Variants in MOSPD1 observed in about 807,000 individuals in gnomAD.
MOSPD1 encodes motile sperm domain-containing protein 1.
In MOSPD1, 5 loss-of-function variants were observed where a neutral mutation model predicts 16.7. The observed-to-expected ratio is 0.30, with a 90% confidence interval of 0.16 to 0.63. MOSPD1 has a LOEUF of 0.63. Ranked by LOEUF, MOSPD1 falls within the 30% of genes least tolerant of loss-of-function variation. The pLI, the probability that MOSPD1 is intolerant of heterozygous loss-of-function variation, is 0.82. For missense variants in MOSPD1, 104 were observed against 153.6 expected (o/e 0.68, Z 1.71); for synonymous variants, 67 against 59.2 (o/e 1.13, Z -0.61).
chrX:134,889,186 A>G lies in MOSPD1; in HGVS notation c.617T>C (p.Ile206Thr), dbSNP rs2082849382. Reference sequence around the variant, plus strand: ...TCATGTTCTAAGTATGGCCATTGTGATAAGACCTGAAAGAAGAAAAATGGA... The same window carrying G: ...TCATGTTCTAAGTATGGCCATTGTGGTAAGACCTGAAAGAAGAAAAATGGA... ...KLVAAYILGL[I>T]TMAILRT is the part of the protein sequence containing the mutation. The change falls in exon 6 of 6, where the codon ATC becomes ACC. Residue 206 changes from isoleucine (I) to threonine (T), a missense_variant. Ile to Thr is a moderately conservative substitution (Grantham distance 89). Transcript: ENST00000370783. 3.4e-6 allele frequency: 4 copies of G among 1,190,920 alleles called. No homozygotes were observed. The highest frequency in any genetic ancestry group is 4.5e-6 in the Non-Finnish European group (4 of 883,504).
chrX:134,909,795 G>A (rs180682793), intron 1 of MOSPD1, among the ~76,000 whole-genome samples: 1 of 111,017 alleles, frequency 9.0e-6, no homozygotes, highest in African/African-American at 3.3e-5. Flanking sequence ...TAGATTTTTG[G>A]TATGCTTTGC....
chrX:134,897,546 T>TAAAAAAAAAAA (rs1221758366), intron 3 of MOSPD1, among the ~76,000 whole-genome samples: 1 of 57,918 alleles, frequency 1.7e-5, no homozygotes, highest in Non-Finnish European at 3.2e-5. Context: ...TCTGTCTTAT[T>TAAAAAAAAAAA]AAAAAAAAAA....
At position 134,899,494 on chromosome X, in the gene MOSPD1, T is replaced by C; in HGVS notation, c.-61A>G. 1 of 1,040,319 alleles carries C rather than the reference T, an allele frequency of 9.6e-7. No homozygotes were observed. Among genetic ancestry groups the C allele is most frequent in the Admixed American group, 3.5e-5 (1 of 28,360 alleles). 85.7% of individuals were successfully genotyped at this position (1,040,319 alleles called of 1,213,427 possible). ...TACAGTCTCAAATCTATTTTGGACTTTTCTTAGATTCAGTTAAAAACTCCA... is the reference window on the plus strand; with the variant it reads ...TACAGTCTCAAATCTATTTTGGACTCTTCTTAGATTCAGTTAAAAACTCCA... On this transcript the variant is annotated 5_prime_UTR_variant, in exon 2 of 6. Transcript: ENST00000370783.
intron 1 of MOSPD1, among the ~76,000 whole-genome samples, chrX:134,904,404 C>A (rs764621954): frequency 4.5e-5 from 5 of 112,125 alleles, no homozygotes; most frequent in Non-Finnish European, 7.5e-5. Flanking sequence ...AGAGATCGTA[C>A]GTCTAGGGAT....
At chrX:134,904,161 G>C (rs1484188820) in intron 1 of MOSPD1, among the ~76,000 whole-genome samples, 1 of 112,236 alleles carries the variant, frequency 8.9e-6, no homozygotes, top group African/African-American at 3.2e-5. Flanking sequence ...CATAGAAAAG[G>C]GACATAGAAA....
rs2082843929 is a variant in MOSPD1, at chrX:134,888,301, A to G, written c.*860T>C. 1 of 112,323 alleles carries G rather than the reference A, an allele frequency of 8.9e-6. No individual in the cohort carries two copies. Among genetic ancestry groups the G allele is most frequent in the East Asian group, 2.8e-4 (1 of 3,583 alleles). The allele number at this position is 112,323 out of a possible 1,213,427, so 9.3% of individuals were successfully genotyped here. ...TTGGCTTAGAGTTTAAAGGTGAAAA[A>G]TCATCTCCACATAAATCACCTGGTA... On this transcript the variant is annotated 3_prime_UTR_variant, in exon 6 of 6. Coordinates refer to ENST00000370783, the MANE Select transcript of MOSPD1 (RefSeq NM_019556.3).
intron 3 of MOSPD1, among the ~76,000 whole-genome samples, chrX:134,898,325 G>A (rs1053751942): frequency 8.9e-6 from 1 of 112,403 alleles, no homozygotes; most frequent in Non-Finnish European, 1.9e-5. Context: ...ACTGTGTACT[G>A]AATGAAAATT....
At chrX:134,914,097 T>C in intron 1 of MOSPD1, among the ~76,000 whole-genome samples, 1 of 112,260 alleles carries the variant, frequency 8.9e-6, no homozygotes, top group Non-Finnish European at 1.9e-5. Flanking sequence ...GACTTTCTCC[T>C]TTCTGTCTGG....
chrX:134,896,707 T>C, intron 4 of MOSPD1, 110 bp downstream of exon 4: 2 of 567,205 alleles, frequency 3.5e-6, no homozygotes, highest in Non-Finnish European at 5.7e-6. Flanking sequence ...TAGTTGACCA[T>C]GTTTGAAGTG....
intron 1 of MOSPD1, among the ~76,000 whole-genome samples, chrX:134,913,037 G>A (rs775907988): frequency 5.4e-5 from 6 of 110,675 alleles, no homozygotes; most frequent in Non-Finnish European, 5.7e-5. Context: ...TCAGGAGTTC[G>A]AGACCAGCCT....
chrX:134,907,846 G>A (rs1480840984), intron 1 of MOSPD1, among the ~76,000 whole-genome samples: 1 of 112,969 alleles, frequency 8.9e-6, no homozygotes, highest in Non-Finnish European at 1.9e-5. Flanking sequence ...TCAGCTCACT[G>A]CAGCCTCAAA....
At chrX:134,894,881 T>A (rs1161427123) in intron 4 of MOSPD1, among the ~76,000 whole-genome samples, 1 of 111,801 alleles carries the variant, frequency 8.9e-6, no homozygotes, top group Non-Finnish European at 1.9e-5. Context: ...GGATATAAAA[T>A]TACTAGGAAA....
At chrX:134,891,777 C>G in intron 4 of MOSPD1, 137 bp from the exon 5 acceptor site, 1 of 620,127 alleles carries the variant, frequency 1.6e-6, no homozygotes. Context: ...TTTTTTCCAT[C>G]TGAGAGTTAA....
chrX:134,890,175 C>T (rs773929434), intron 5 of MOSPD1, among the ~76,000 whole-genome samples: 38 of 109,666 alleles, frequency 3.5e-4, no homozygotes, highest in Non-Finnish European at 4.9e-4. Flanking sequence ...GCCTGGAGAA[C>T]CGGGCCGCTA....
chrX:134,895,082 T>C (rs1265108247), intron 4 of MOSPD1, among the ~76,000 whole-genome samples: 2 of 111,614 alleles, frequency 1.8e-5, no homozygotes, highest in Non-Finnish European at 3.8e-5. Flanking sequence ...TAAGGCCAGG[T>C]GCGGGAGCTC....
chrX:134,901,052 G>A (rs993337062), intron 1 of MOSPD1, among the ~76,000 whole-genome samples: 40 of 111,690 alleles, frequency 3.6e-4, no homozygotes, highest in African/African-American at 1.3e-3. Flanking sequence ...ATTGAGGCTC[G>A]TATGCTCTGA....
intron 1 of MOSPD1, among the ~76,000 whole-genome samples, chrX:134,905,293 C>T (rs775853881): frequency 2.9e-5 from 3 of 104,086 alleles, no homozygotes; most frequent in Non-Finnish European, 5.8e-5. Flanking sequence ...GGCGTGAACC[C>T]GGGAGGCAGA....
chrX:134,908,672 G>A (rs2082955381), intron 1 of MOSPD1, among the ~76,000 whole-genome samples: 2 of 111,934 alleles, frequency 1.8e-5, no homozygotes, highest in Admixed American at 9.5e-5. Context: ...AAAACCTTAT[G>A]TGTGCACACC....
At chrX:134,903,351 C>CA (rs1349623563) in intron 1 of MOSPD1, among the ~76,000 whole-genome samples, 4 of 108,950 alleles carry the variant, frequency 3.7e-5, no homozygotes, top group African/African-American at 6.7e-5. Flanking sequence ...GAAAAACAAA[C>CA]AAAAAAACCT....
Sources: gnomAD v4.1 joint callset for allele counts (sites outside exome capture counted in the v4.1 genomes callset) on GRCh38, gnomAD v4.1.1 for gene constraint, MANE v1.5 for transcripts, NCBI Gene and HGNC (gene_info 2026-07-23, HGNC 2026-07-21) for gene names.